The following DNAI4 variants were observed in gnomAD, a reference collection of about 807,000 sequenced individuals.
The protein encoded by DNAI4 is WD repeat domain 78.
A neutral mutation model predicts 105.8 loss-of-function variants in DNAI4; 85 were observed. The observed-to-expected ratio is 0.80, with a 90% CI of 0.67 to 0.96. The LOEUF (loss-of-function observed/expected upper bound fraction) is 0.96, where lower values mean the gene tolerates loss of function less well. DNAI4 is among the 40% of genes least tolerant of loss of function. DNAI4 has a pLI of 0.00. For synonymous variants in DNAI4, 352 were observed against 331.5 expected (o/e 1.06, Z -0.67); for missense variants, 1,014 against 1,005.6 (o/e 1.01, Z -0.11).
At chr1:66,850,336 G>C (rs1000662020) in intron 7 of DNAI4, among the ~76,000 whole-genome samples, 45 of 151,732 alleles carry the variant, frequency 3.0e-4, no homozygotes, top group African/African-American at 1.0e-3. Flanking sequence ...TTTTCCTATG[G>C]GAATAATTCT....
At chr1:66,870,451 A>G (rs1646819191) in intron 6 of DNAI4, among the ~76,000 whole-genome samples, 1 of 149,318 alleles carries the variant, frequency 6.7e-6, no homozygotes, top group South Asian at 2.1e-4. Flanking sequence ...TCAAAAAAAA[A>G]AAAAAAAGAA....
intron 15 of DNAI4, among the ~76,000 whole-genome samples, chr1:66,826,436 C>G (rs768896005): frequency 2.0e-5 from 3 of 151,992 alleles, no homozygotes; most frequent in Admixed American, 1.3e-4. Context: ...GTAGCTGGAA[C>G]TACAGGTGCA....
chr1:66,816,550 C>CA (rs550831933), intron 16 of DNAI4, among the ~76,000 whole-genome samples: 7 of 151,834 alleles, frequency 4.6e-5, no homozygotes, highest in Non-Finnish European at 7.4e-5. Context: ...CTGTAAGTAA[C>CA]AAAAAAACTA....
Position 66,840,661 on chromosome 1 carries a change from A to T in DNAI4, c.1302T>A (p.Pro434=). The change falls in exon 9 of 17, where the codon CCT becomes CCA. Residue 434 remains proline, a synonymous_variant. Transcript: ENST00000371026. ...RQLPVLKEPE[P]EEPEDVLESA... ...TTTCTAAAACATCTTCAGGCTCTTC[A>T]GGTTCAGGTTCTAAAGTTTAAACAA... 6.2e-7 allele frequency: 1 copy of T among 1,614,096 alleles called. No individual in the cohort carries two copies. The highest frequency in any genetic ancestry group is 2.2e-5 in the East Asian group (1 of 44,884).
chr1:66,921,714 G>A (rs1650492207), intron 1 of DNAI4, among the ~76,000 whole-genome samples: 1 of 151,982 alleles, frequency 6.6e-6, no homozygotes, highest in Admixed American at 6.6e-5. Context: ...AACCATACAA[G>A]ATAAGCAGTA....
At chr1:66,893,115 AAGAAAG>A (rs1557965796) in intron 3 of DNAI4, 108 bp downstream of exon 3, 9 of 513,750 alleles carry the variant, frequency 1.8e-5, no homozygotes, top group Non-Finnish European at 2.9e-5. Context: ...GAAAGAAAGA[AAGAAAG>A]AAACTGGGAG....
In DNAI4 at chr1:66,837,506, A is replaced by G. The variant is rs1646053253; in HGVS notation, c.1581+204T>C. 4 of 620,908 alleles carry G rather than the reference A, an allele frequency of 6.4e-6. No homozygotes were observed. In the Admixed American group the frequency reaches 1.0e-4, roughly 16 times the overall value. 38.5% of individuals were successfully genotyped at this position (620,908 alleles called of 1,614,324 possible). ...AGCATATAGTACACATTCAATAAAT[A>G]TTTACTGAATGAATTAATAAATGAA... On this transcript the variant is annotated intron_variant, in intron 10 of 16. Transcript: ENST00000371026.
chr1:66,842,869 C>T (rs1279396867), intron 8 of DNAI4, among the ~76,000 whole-genome samples: 1 of 151,932 alleles, frequency 6.6e-6, no homozygotes, highest in Non-Finnish European at 1.5e-5. Flanking sequence ...AGTGCTACCT[C>T]ATTGTTGTTT....
At chr1:66,841,313 G>T (rs1185183344) in intron 8 of DNAI4, among the ~76,000 whole-genome samples, 1 of 152,300 alleles carries the variant, frequency 6.6e-6, no homozygotes, top group East Asian at 1.9e-4. Flanking sequence ...GGCCTGACCA[G>T]CTAAAAGTAA....
intron 6 of DNAI4, among the ~76,000 whole-genome samples, chr1:66,862,814 C>CA (rs1646656300): frequency 6.6e-6 from 1 of 152,156 alleles, no homozygotes; most frequent in African/African-American, 2.4e-5. Context: ...AGCATAATCT[C>CA]ATTGGTCTGT....
intron 10 of DNAI4, chr1:66,837,453 G>T (rs542237068): frequency 1.8e-5 from 6 of 332,898 alleles, no homozygotes; most frequent in Non-Finnish European, 3.3e-5. Context: ...AATCAATAAT[G>T]GTTCAACTCT....
Position 66,840,481 on chromosome 1 carries a change from A to T in DNAI4, c.1482T>A (p.Asn494Lys). 6.2e-7 allele frequency: 1 copy of T among 1,614,080 alleles called. No individual in the cohort carries two copies. The highest frequency in any genetic ancestry group is 1.7e-5 in the Admixed American group (1 of 60,024). The change falls in exon 9 of 17, where the codon AAT becomes AAA. Residue 494 changes from asparagine (N) to lysine (K), a missense_variant. Physicochemically the swap from Asn to Lys is moderately conservative, Grantham distance 94. Coordinates refer to ENST00000371026, the MANE Select transcript of DNAI4 (RefSeq NM_024763.5). ...TTTGATAACTTACTGGATTTGTTTT[A>T]TTCCAGGCAAGGCTGCTCACATTGA... is the stretch of plus-strand genomic sequence containing the variant. ...KGLNVSSLAW[N>K]KTNPDLLAVG... is the part of the protein sequence containing the mutation.
chr1:66,863,902 A>G (rs1309878795), intron 6 of DNAI4, among the ~76,000 whole-genome samples: 2 of 152,248 alleles, frequency 1.3e-5, no homozygotes, highest in Non-Finnish European at 2.9e-5. Context: ...GTTCATGAAG[A>G]GAACTTAGAA....
intron 16 of DNAI4, among the ~76,000 whole-genome samples, chr1:66,818,604 A>G (rs1645564231): frequency 6.6e-6 from 1 of 152,220 alleles, no homozygotes; most frequent in Admixed American, 6.5e-5. Context: ...TATAAAGGCT[A>G]CTGTAGAGAA....
At chr1:66,871,234 G>T in intron 6 of DNAI4, 136 bp downstream of exon 6, 1 of 627,038 alleles carries the variant, frequency 1.6e-6, no homozygotes, top group Non-Finnish European at 2.6e-6. Flanking sequence ...AGAACACAGT[G>T]TCCAACTACT....
intron 6 of DNAI4, among the ~76,000 whole-genome samples, chr1:66,865,138 G>A (rs1440345597): frequency 1.3e-5 from 2 of 152,022 alleles, no homozygotes; most frequent in Non-Finnish European, 2.9e-5. Flanking sequence ...AAGATTTTAT[G>A]GATGCCAGCC....
chr1:66,891,353 G>A, intron 3 of DNAI4, 87 bp from the exon 4 acceptor site: 1 of 889,548 alleles, frequency 1.1e-6, no homozygotes, highest in Non-Finnish European at 1.8e-6. Context: ...TTATCAGATG[G>A]AGAAATCAAA....
At chr1:66,836,701 C>T in intron 10 of DNAI4, among the ~76,000 whole-genome samples, 1 of 152,168 alleles carries the variant, frequency 6.6e-6, no homozygotes. Context: ...AAAATTGCTT[C>T]TTCTTTTCTT....
intron 7 of DNAI4, among the ~76,000 whole-genome samples, chr1:66,853,514 G>A (rs952035025): frequency 3.3e-5 from 5 of 152,212 alleles, no homozygotes; most frequent in African/African-American, 1.2e-4. Flanking sequence ...AACAACTTAT[G>A]TCAGACCTAA....
Sources: gnomAD v4.1 joint callset for allele counts (sites outside exome capture counted in the v4.1 genomes callset) on GRCh38, gnomAD v4.1.1 for gene constraint, MANE v1.5 for transcripts, NCBI Gene and HGNC (gene_info 2026-07-23, HGNC 2026-07-21) for gene names.